The following COL5A3 variants were observed in gnomAD, a reference collection of about 807,000 sequenced individuals.
COL5A3 encodes collagen alpha-3(V) chain.
COL5A3 carries 172 observed loss-of-function variants against 250.0 expected under a neutral mutation model. The observed-to-expected ratio is 0.69, with a 90% CI of 0.61 to 0.78. The LOEUF (loss-of-function observed/expected upper bound fraction) is 0.78. Ranked by LOEUF, COL5A3 falls within the 30% of genes least tolerant of loss-of-function variation. The probability of loss-of-function intolerance (pLI) is 0.00; values close to 1 mark genes in which losing one functional copy is unlikely to be tolerated. For missense variants in COL5A3, 2,340 were observed against 2,334.4 expected, an observed-to-expected ratio of 1.00 and a Z score of -0.05; for synonymous variants, 937 against 900.4, an observed-to-expected ratio of 1.04 and a Z score of -0.73.
At chr19:9,976,437 G>A in intron 45 of COL5A3, 121 bp downstream of exon 45, 2 of 692,174 alleles carry the variant, frequency 2.9e-6, no homozygotes, top group Non-Finnish European at 4.7e-6. Context: ...TGTCAGTACT[G>A]AGGGAAGATC....
In COL5A3 at chr19:9,980,873, A is replaced by G. The variant is rs1292220464; in HGVS notation, c.2506-14T>C. On this transcript the variant is annotated splice_polypyrimidine_tract_variant and intron_variant, in intron 33 of 66. Transcript: ENST00000264828. ...TCCACGGGAACCCTGAACAAAAAAA[A>G]AAGGCAAAGATCAGATATGAGGGGG... 6.2e-7 allele frequency: 1 copy of G among 1,604,872 alleles called. No individual in the cohort carries two copies.
chr19:9,967,338 G>A lies in COL5A3; in HGVS notation c.4458+9C>T. The A allele has an allele frequency of 7.0e-7, 1 of 1,427,902 alleles. No homozygotes were observed. Among genetic ancestry groups the A allele is most frequent in the South Asian group, 1.6e-5 (1 of 61,216 alleles). 88.5% of individuals were successfully genotyped at this position (1,427,902 alleles called of 1,614,324 possible). ...TGGTGTCCATTCCCCCGCCCCCCGG[G>A]GAACTCACCGGGGGGCCTGGTGGGC... is the stretch of plus-strand genomic sequence containing the variant. On this transcript the variant is annotated intron_variant, in intron 62 of 66. Coordinates refer to ENST00000264828, the MANE Select transcript of COL5A3 (RefSeq NM_015719.4).
At chr19:9,973,701 A>G (rs1485335669) in intron 49 of COL5A3, 55 bp downstream of exon 49, 1 of 1,612,446 alleles carries the variant, frequency 6.2e-7, no homozygotes, top group African/African-American at 1.3e-5. Context: ...GTCCCTGCCC[A>G]ATAGGACTAG....
intron 8 of COL5A3, 21 bp downstream of exon 8, chr19:10,001,503 C>T: frequency 6.2e-7 from 1 of 1,612,234 alleles, no homozygotes; most frequent in Non-Finnish European, 8.5e-7. Context: ...TGCACCTAAC[C>T]CCAGCCACCT....
Position 9,966,675 on chromosome 19 carries a change from C to T in COL5A3, c.4530G>A (p.Glu1510=), listed in dbSNP as rs2145054948. 6.5e-7 allele frequency: 1 copy of T among 1,538,634 alleles called. No homozygotes were observed. Among genetic ancestry groups the T allele is most frequent in the Admixed American group, 2.0e-5 (1 of 51,160 alleles). Residue 1510 remains glutamate (E), a synonymous_variant, in exon 63 of 67, where the codon GAG becomes GAA. Coordinates refer to ENST00000264828, the MANE Select transcript of COL5A3 (RefSeq NM_015719.4). ...AGGCCAGCACCTCCTCCAGGCCGCCCTCCACGACTGGAAGCGGGACTGGGA... is the reference window on the plus strand; with the variant it reads ...AGGCCAGCACCTCCTCCAGGCCGCCTTCCACGACTGGAAGCGGGACTGGGA... ...RFVPVPLPVV[E]GGLEEVLASL...
rs1328217441 is a variant in COL5A3 at position 9,996,247 on chromosome 19, G to A, written c.1438C>T (p.Pro480Ser). The A allele has an allele frequency of 6.4e-7, 1 of 1,574,618 alleles. No homozygotes were observed. The highest frequency in any genetic ancestry group is 8.6e-7 in the Non-Finnish European group (1 of 1,162,846). Residue 480 changes from proline to serine, a missense_variant, in exon 14 of 67, where the codon CCC (proline) becomes TCC (serine). Pro to Ser is a moderately conservative substitution (Grantham distance 74). This residue lies in a region of COL5A3 where 1,152 missense variants were observed against 1,146.3 expected (regional missense o/e 1.00). Transcript: ENST00000264828. The part of the protein sequence containing the change: ...LQQTQLSMKG[P>S]PGPVGLTGRP... ...CCAGTGAGCCCCACTGGACCAGGGG[G>A]GCCTTTCATAGAGAGCTGGAAAGAC...
At chr19:9,988,833 C>CAAAAAAAAAAAAAAAAAAAAAAAAA (rs67181648) in intron 27 of COL5A3, among the ~76,000 whole-genome samples, 1 of 39,428 alleles carries the variant, frequency 2.5e-5, no homozygotes, top group African/African-American at 1.2e-4. Flanking sequence ...GACTCTGTCT[C>CAAAAAAAAAAAAAAAAAAAAAAAAA]AAAAAAAAAA....
intron 65 of COL5A3, among the ~76,000 whole-genome samples, 182 bp from the exon 66 acceptor site, chr19:9,961,072 A>C (rs2145041850): frequency 6.6e-6 from 1 of 151,338 alleles, no homozygotes; most frequent in South Asian, 2.1e-4. Context: ...CTGAACATCC[A>C]CTCTGTCCAC....
At chr19:9,971,931 A>G (rs1409471527) in intron 51 of COL5A3, among the ~76,000 whole-genome samples, 2 of 150,388 alleles carry the variant, frequency 1.3e-5, no homozygotes, top group Non-Finnish European at 3.0e-5. Context: ...TTGCCATTCA[A>G]TGATGTATAA....
chr19:9,979,341 A>G (rs750012174), intron 38 of COL5A3, 23 bp downstream of exon 38: 8 of 1,613,730 alleles, frequency 5.0e-6, no homozygotes, highest in Non-Finnish European at 6.8e-6. Context: ...AAAACAAGGG[A>G]GGTTTATGGA....
At position 9,985,710 on chromosome 19, in the gene COL5A3, C is replaced by A. The variant is rs1324790796; in HGVS notation, c.2406+132G>T. On this transcript the variant is annotated intron_variant, in intron 31 of 66. Coordinates refer to ENST00000264828, the MANE Select transcript of COL5A3 (RefSeq NM_015719.4). ...CAAGAGCCACTATGCCTGGCCAAAG[C>A]CCACATTTTACATTCTCTCAGTGAC... 3 of 815,236 alleles carry A rather than the reference C, an allele frequency of 3.7e-6. No individual in the cohort carries two copies. The African/African-American group carries it at 5.1e-5, about 14-fold the overall frequency. 50.5% of individuals were successfully genotyped at this position (815,236 alleles called of 1,614,324 possible).
chr19:9,967,856 G>A (rs1302958707), intron 61 of COL5A3, 48 bp downstream of exon 61: 1 of 1,581,436 alleles, frequency 6.3e-7, no homozygotes, highest in Non-Finnish European at 8.6e-7. Context: ...GCAGTGAAGG[G>A]GGTGGGGAGC....
In COL5A3 at chr19:9,997,380, AG is replaced by A; in HGVS notation, c.1253del (p.Pro418LeufsTer25). 3.7e-6 allele frequency: 6 copies of A among 1,609,286 alleles called. No homozygotes were observed. The highest frequency in any genetic ancestry group is 5.1e-6 in the Non-Finnish European group (6 of 1,178,014). On this transcript the variant is annotated frameshift_variant, in exon 11 of 67. Transcript: ENST00000264828. LOFTEE classifies it high-confidence loss of function. ...AGTGGGAGTCTCTTACCGGTGGACC[AG>A]GGTCGCCAGGGAATCCTGGGGGGCC... Reference protein sequence around the residue: ...PPGPPGFPGDPGPPGPAGLPG... With the variant: ...PPGPPGFPGDXGPPGPAGLPG...
intron 24 of COL5A3, 73 bp downstream of exon 24, chr19:9,991,537 G>T: frequency 7.6e-7 from 1 of 1,322,416 alleles, no homozygotes; most frequent in Non-Finnish European, 1.0e-6. Context: ...GGTCTTGGTG[G>T]GAAGATTTTC....
At position 9,991,641 on chromosome 19, in the gene COL5A3, G is replaced by A. The variant is rs1004749514; in HGVS notation, c.1961C>T (p.Pro654Leu). The change falls in exon 24 of 67, where the codon CCC becomes CTC. Residue 654 changes from proline to leucine, a missense_variant. Coordinates refer to ENST00000264828, the MANE Select transcript of COL5A3 (RefSeq NM_015719.4). Reference sequence around the variant, plus strand: ...CCCAGGAGTGCCAATGAGTCCCTGGGGACCGGGGAGTCCCTGGAGACAGAA... The same window carrying A: ...CCCAGGAGTGCCAATGAGTCCCTGGAGACCGGGGAGTCCCTGGAGACAGAA... Reference protein sequence around the residue: ...GNHGSQGLPGPQGLIGTPGEK... With the variant: ...GNHGSQGLPGLQGLIGTPGEK... 4 of 1,609,916 alleles carry A rather than the reference G, an allele frequency of 2.5e-6. No individual in the cohort carries two copies. Among genetic ancestry groups the A allele is most frequent in the Non-Finnish European group, 3.4e-6 (4 of 1,178,048 alleles).
In COL5A3 at chr19:9,968,515, A is replaced by G. The variant is rs764771902; in HGVS notation, c.4207-23T>C. ...GCCCTGAAGGACAAAAGAGGCACAGACAGGGGAGGACGTGGGAGGATTCAG... is the reference window on the plus strand; with the variant it reads ...GCCCTGAAGGACAAAAGAGGCACAGGCAGGGGAGGACGTGGGAGGATTCAG... On this transcript the variant is annotated intron_variant, in intron 58 of 66. Coordinates refer to ENST00000264828, the MANE Select transcript of COL5A3 (RefSeq NM_015719.4). This position sits in a 1 kb window ranked among gnomAD's most constrained non-coding sequence, Gnocchi z 4.1. The G allele has an allele frequency of 1.3e-6, 2 of 1,580,990 alleles. No homozygotes were observed. Among genetic ancestry groups the G allele is most frequent in the African/African-American group, 2.7e-5 (2 of 72,852 alleles).
intron 65 of COL5A3, 100 bp from the exon 66 acceptor site, chr19:9,960,990 C>A (rs991905718): frequency 5.6e-6 from 8 of 1,440,958 alleles, no homozygotes; most frequent in African/African-American, 1.4e-5. Flanking sequence ...ACAAGCCACC[C>A]CCCCCATGTC....
At chr19:9,991,907 G>A in intron 22 of COL5A3, 66 bp from the exon 23 acceptor site, 1 of 1,578,236 alleles carries the variant, frequency 6.3e-7, no homozygotes, top group Non-Finnish European at 8.7e-7. Context: ...TAGTGAAATT[G>A]ACTTGGGGGG....
In COL5A3 at chr19:9,993,024, G is replaced by T; in HGVS notation, c.1793C>A (p.Pro598Gln). 2 of 1,613,548 alleles carry T rather than the reference G, an allele frequency of 1.2e-6. No homozygotes were observed. The highest frequency in any genetic ancestry group is 1.7e-6 in the Non-Finnish European group (2 of 1,179,776). Residue 598 changes from proline to glutamine, a missense_variant and splice_region_variant, in exon 20 of 67, where the codon CCG (proline) becomes CAG (glutamine). Coordinates refer to ENST00000264828, the MANE Select transcript of COL5A3 (RefSeq NM_015719.4). ...GGCCCAGGGATCCCTGATACTCACC[G>T]GCTCCCCAGCCTGGCCAGTGGGCCC... ...PPGPTGQAGE[P>Q]GPRGLLGPRG... is the part of the protein sequence containing the mutation.
Sources: gnomAD v4.1 joint callset for allele counts (sites outside exome capture counted in the v4.1 genomes callset) on GRCh38, gnomAD v4.1.1 for gene constraint, gnomAD v4.1.1 regional missense constraint, Gnocchi (gnomAD v3.1) non-coding constraint, MANE v1.5 for transcripts, NCBI Gene and HGNC (gene_info 2026-07-23, HGNC 2026-07-21) for gene names.